RPS6KC1: variants seen among roughly 807,000 people sequenced by gnomAD.
The protein encoded by RPS6KC1 is ribosomal protein S6 kinase C1.
Under a neutral mutation model 103.8 loss-of-function variants are expected in RPS6KC1, and 54 were observed. The ratio of observed to expected loss-of-function variants is 0.52; its 90% CI spans 0.42 to 0.65. The LOEUF (loss-of-function observed/expected upper bound fraction) is 0.65, where lower values mean the gene tolerates loss of function less well. Among genes scored for constraint, RPS6KC1 ranks in the 30% least tolerant of loss-of-function variants. The pLI is 0.00. For synonymous variants in RPS6KC1, 439 were observed against 438.7 expected (o/e 1.00, Z -0.01); for missense variants, 1,151 against 1,253.8 (o/e 0.92, Z 1.24).
chr1:213,231,062 G>C (rs1269474047), intron 9 of RPS6KC1, among the ~76,000 whole-genome samples: 2 of 151,926 alleles, frequency 1.3e-5, no homozygotes, highest in African/African-American at 2.4e-5. Context: ...ACGGTTGATA[G>C]CATGCATTTA....
At chr1:213,453,168 C>A in the RPS6KC1 span, among the ~76,000 whole-genome samples, 1 of 152,046 alleles carries the variant, frequency 6.6e-6, no homozygotes, top group Non-Finnish European at 1.5e-5. Flanking sequence ...CATTTCTACT[C>A]CTGGACGGTA....
rs571599970 is a variant in RPS6KC1, at chr1:213,160,997, T to TA, written c.836-6853dup. On this transcript the variant is annotated intron_variant, in intron 6 of 14. Transcript: ENST00000366960. ...ATGTACCCTAGAACTTAAAGTATAA[T>TA]AAAAAAAATAGTGGTGGCAAGTAAT... Among the ~76,000 whole-genome samples, 78 of 151,294 alleles carry TA rather than the reference T, an allele frequency of 5.2e-4. 1 individual carries two copies. The highest frequency in any genetic ancestry group is 1.9e-3 in the African/African-American group (77 of 41,272).
At chr1:213,549,059 T>G in the RPS6KC1 span, among the ~76,000 whole-genome samples, 1 of 152,196 alleles carries the variant, frequency 6.6e-6, no homozygotes, top group Non-Finnish European at 1.5e-5. Context: ...AATACATGCT[T>G]CTGGTGGCTC....
the RPS6KC1 span, among the ~76,000 whole-genome samples, chr1:213,853,496 T>C: frequency 1.3e-5 from 2 of 152,180 alleles, 1 homozygote; most frequent in Admixed American, 1.3e-4. Flanking sequence ...ACAAAATAAT[T>C]GTAGCTTCTT....
At chr1:213,706,940 G>T in the RPS6KC1 span, among the ~76,000 whole-genome samples, 1 of 152,070 alleles carries the variant, frequency 6.6e-6, no homozygotes, top group Non-Finnish European at 1.5e-5. Context: ...TCTTAATACT[G>T]TCTGTCATTG....
At chr1:213,152,308 G>A (rs1278213180) in intron 6 of RPS6KC1, among the ~76,000 whole-genome samples, 2 of 149,640 alleles carry the variant, frequency 1.3e-5, no homozygotes, top group Admixed American at 6.6e-5. Context: ...CCCGGATGGG[G>A]CGGCTGGCCG....
At chr1:213,680,568 T>C in the RPS6KC1 span, among the ~76,000 whole-genome samples, 1 of 152,206 alleles carries the variant, frequency 6.6e-6, no homozygotes, top group African/African-American at 2.4e-5. Context: ...CTCTTCATTT[T>C]TAAGGATTTT....
the RPS6KC1 span, among the ~76,000 whole-genome samples, chr1:213,526,824 C>T: frequency 5.3e-5 from 8 of 152,138 alleles, 1 homozygote; most frequent in Middle Eastern, 0.01. Context: ...TTTTATTAGC[C>T]CAATTTGTGT....
the RPS6KC1 span, among the ~76,000 whole-genome samples, chr1:213,854,554 TTCTTTCTTTCTC>T: frequency 2.6e-3 from 285 of 108,450 alleles, 1 homozygote; most frequent in African/African-American, 4.8e-3. Flanking sequence ...CTTTCTTTCT[TTCTTTCTTTCTC>T]TCTCTCTCTC....
the RPS6KC1 span, among the ~76,000 whole-genome samples, chr1:213,586,552 A>C: frequency 6.6e-6 from 1 of 152,236 alleles, no homozygotes. Flanking sequence ...AAATGCATGC[A>C]TTGCAATTTT....
the RPS6KC1 span, among the ~76,000 whole-genome samples, chr1:213,624,658 C>G: frequency 2.0e-5 from 3 of 152,106 alleles, no homozygotes; most frequent in Non-Finnish European, 4.4e-5. Flanking sequence ...GCCCATAGGC[C>G]CAGCCACCCA....
chr1:213,807,679 G>T, the RPS6KC1 span, among the ~76,000 whole-genome samples: 1 of 150,498 alleles, frequency 6.6e-6, no homozygotes, highest in Non-Finnish European at 1.5e-5. Flanking sequence ...TTATACATTC[G>T]TCTAAATTTT....
chr1:213,156,308 G>T (rs1314219840), intron 6 of RPS6KC1, among the ~76,000 whole-genome samples: 1 of 152,002 alleles, frequency 6.6e-6, no homozygotes, highest in Non-Finnish European at 1.5e-5. Flanking sequence ...TATCCAAAAT[G>T]AAACAGTGAG....
chr1:213,616,371 C>A, the RPS6KC1 span, among the ~76,000 whole-genome samples: 2 of 152,140 alleles, frequency 1.3e-5, no homozygotes, highest in African/African-American at 4.8e-5. Context: ...ACAGCAGGAG[C>A]CTGGAGCTGG....
chr1:213,636,246 T>C, the RPS6KC1 span, among the ~76,000 whole-genome samples: 1 of 152,190 alleles, frequency 6.6e-6, no homozygotes, highest in African/African-American at 2.4e-5. Context: ...AATGACTTTC[T>C]TCACAGAATT....
At chr1:213,597,542 A>T in the RPS6KC1 span, among the ~76,000 whole-genome samples, 1 of 152,210 alleles carries the variant, frequency 6.6e-6, no homozygotes, top group African/African-American at 2.4e-5. Flanking sequence ...GAGAGGAATA[A>T]ATCTCCATGC....
At chr1:213,413,297 G>T in the RPS6KC1 span, among the ~76,000 whole-genome samples, 2 of 152,150 alleles carry the variant, frequency 1.3e-5, no homozygotes, top group African/African-American at 4.8e-5. Context: ...GAGTTATCTT[G>T]AAATATATAA....
the RPS6KC1 span, among the ~76,000 whole-genome samples, chr1:213,548,922 G>A: frequency 6.6e-6 from 1 of 152,088 alleles, no homozygotes; most frequent in African/African-American, 2.4e-5. Flanking sequence ...AAGTTAACTA[G>A]AAATAAAATA....
chr1:213,503,378 A>C, the RPS6KC1 span, among the ~76,000 whole-genome samples: 1 of 152,170 alleles, frequency 6.6e-6, no homozygotes, highest in Non-Finnish European at 1.5e-5. Context: ...AGGTATCCAC[A>C]CTGGTTTAAT....
Sources: allele counts gnomAD v4.1 joint callset (sites outside exome capture counted in the v4.1 genomes callset), GRCh38; gene constraint gnomAD v4.1.1; transcripts MANE v1.5; gene names NCBI Gene and HGNC (gene_info 2026-07-23, HGNC 2026-07-21).